CDIN1: variants seen among roughly 807,000 people sequenced by gnomAD.
CDIN1 encodes CDAN1 interacting nuclease 1.
CDIN1 carries 33 observed loss-of-function variants against 45.3 expected under a neutral mutation model. The observed-to-expected ratio is 0.73, with a 90% CI of 0.55 to 0.97. The LOEUF is 0.97. Among genes scored for constraint, CDIN1 ranks in the 50% least tolerant of loss-of-function variants. CDIN1 has a pLI of 0.00. For missense variants in CDIN1, 303 were observed against 339.4 expected (o/e 0.89, Z 0.84); for synonymous variants, 118 against 124.4 (o/e 0.95, Z 0.34).
intron 1 of CDIN1, among the ~76,000 whole-genome samples, chr15:36,600,546 C>G (rs764657867): frequency 2.4e-4 from 37 of 152,342 alleles, no homozygotes; most frequent in Admixed American, 2.6e-4. Flanking sequence ...TAGTGCTTCT[C>G]TCTTGTGGCA....
intron 10 of CDIN1, among the ~76,000 whole-genome samples, chr15:36,781,900 T>C (rs894618747): frequency 6.6e-6 from 1 of 152,184 alleles, no homozygotes; most frequent in African/African-American, 2.4e-5. Context: ...CCAGCCCCTG[T>C]CCTCACCAAT....
chr15:36,603,320 A>C (rs1486162164), intron 1 of CDIN1, among the ~76,000 whole-genome samples: 1 of 152,196 alleles, frequency 6.6e-6, no homozygotes, highest in Non-Finnish European at 1.5e-5. Context: ...CAGGCTTCTT[A>C]GAGGAAGAAG....
At chr15:36,591,543 C>G (rs1297094280) in intron 1 of CDIN1, among the ~76,000 whole-genome samples, 1 of 152,120 alleles carries the variant, frequency 6.6e-6, no homozygotes, top group Non-Finnish European at 1.5e-5. Flanking sequence ...TTTCTGAGGA[C>G]AACTAAAATA....
At chr15:36,644,194 G>C (rs981933906) in intron 1 of CDIN1, 84 bp from the exon 2 acceptor site, 2 of 1,311,744 alleles carry the variant, frequency 1.5e-6, no homozygotes, top group Non-Finnish European at 2.2e-6. Context: ...CAGGGCAGCA[G>C]GCCTACCTTT....
rs1164122251 is a variant in CDIN1 at position 36,697,478 on chromosome 15, T to G, written c.544+88T>G. On this transcript the variant is annotated intron_variant, in intron 8 of 10. Coordinates refer to ENST00000566621, the MANE Select transcript of CDIN1 (RefSeq NM_001321759.2). The stretch of plus-strand genomic sequence containing the variant: ...TAAAAATCTTCCACTAAAGGAAGAG[T>G]GAATGATGATTGATGCTGTGCATAT... 2.8e-6 allele frequency: 3 copies of G among 1,055,428 alleles called. No individual in the cohort carries two copies. In the African/African-American group the frequency reaches 4.9e-5, roughly 17 times the overall value. The allele number at this position is 1,055,428 out of a possible 1,614,324, so 65.4% of individuals were successfully genotyped here.
chr15:36,711,311 T>C (rs770787284), intron 10 of CDIN1, among the ~76,000 whole-genome samples: 3 of 152,162 alleles, frequency 2.0e-5, no homozygotes, highest in Non-Finnish European at 4.4e-5. Flanking sequence ...TTCCCCAGCT[T>C]TGGTACCAGT....
intron 5 of CDIN1, among the ~76,000 whole-genome samples, chr15:36,686,562 TAA>T (rs1259228473): frequency 3.2e-5 from 3 of 94,572 alleles, no homozygotes. Context: ...AGTATAATAA[TAA>T]AAAAAAAAAA....
intron 1 of CDIN1, among the ~76,000 whole-genome samples, chr15:36,637,152 C>T (rs978626519): frequency 1.8e-5 from 2 of 110,046 alleles, no homozygotes; most frequent in African/African-American, 3.5e-5. Flanking sequence ...GATATTTAAC[C>T]TCCCAGAGGC....
chr15:36,617,649 G>A, intron 1 of CDIN1: 1 of 767,162 alleles, frequency 1.3e-6, no homozygotes, highest in Non-Finnish European at 2.4e-6. Context: ...AAATTGATGA[G>A]AAGGGTAAAA....
chr15:36,625,143 T>C (rs774808494), intron 1 of CDIN1, among the ~76,000 whole-genome samples: 12 of 151,894 alleles, frequency 7.9e-5, no homozygotes, highest in Non-Finnish European at 1.3e-4. Flanking sequence ...TAGCCGGGTG[T>C]GGTGGCGGGC....
chr15:36,624,120 G>A (rs1261845018), intron 1 of CDIN1, among the ~76,000 whole-genome samples: 1 of 152,166 alleles, frequency 6.6e-6, no homozygotes, highest in African/African-American at 2.4e-5. Context: ...ATGGGGAAAA[G>A]TTACAAATAG....
intron 8 of CDIN1, among the ~76,000 whole-genome samples, chr15:36,701,167 TAG>T (rs1566912748): frequency 6.7e-6 from 1 of 149,838 alleles, no homozygotes; most frequent in East Asian, 2.0e-4. Flanking sequence ...GATAGATAGA[TAG>T]ATAGATATGA....
intron 1 of CDIN1, among the ~76,000 whole-genome samples, chr15:36,629,503 C>T (rs986825674): frequency 6.6e-6 from 1 of 152,142 alleles, no homozygotes; most frequent in African/African-American, 2.4e-5. Context: ...ACAATTATCT[C>T]GCTCATGGTA....
chr15:36,789,842 G>C (rs868849567), intron 10 of CDIN1, among the ~76,000 whole-genome samples: 1 of 152,116 alleles, frequency 6.6e-6, no homozygotes, highest in East Asian at 1.9e-4. Context: ...ATTGACATGG[G>C]GCTAGTGAGG....
At chr15:36,654,193 G>T (rs147095298) in intron 4 of CDIN1, 35 bp downstream of exon 4, 2 of 1,518,804 alleles carry the variant, frequency 1.3e-6, no homozygotes. Context: ...TTAAACCTGC[G>T]TGTAACCTAA....
chr15:36,809,062 G>A lies in CDIN1; in HGVS notation c.*609G>A, dbSNP rs781351908. The A allele has an allele frequency of 6.6e-4, 257 of 391,980 alleles. No homozygotes were observed. Among genetic ancestry groups the A allele is most frequent in the Non-Finnish European group, 9.8e-4 (189 of 193,492 alleles). The allele number at this position is 391,980 out of a possible 1,614,324, so 24.3% of individuals were successfully genotyped here. A position where few individuals can be genotyped will look rare whatever the true frequency, so the allele number is the denominator to read the frequency against. ...TGTGTTTGCTATATTCAATCTTTAC[G>A]GCTTCCTGACTTCTGTGACAGTAAG... On this transcript the variant is annotated 3_prime_UTR_variant, in exon 11 of 11. Transcript: ENST00000566621.
chr15:36,774,211 T>C (rs1239499994), intron 10 of CDIN1, among the ~76,000 whole-genome samples: 1 of 150,564 alleles, frequency 6.6e-6, no homozygotes, highest in East Asian at 2.0e-4. Context: ...GCCCCTTAGG[T>C]TACTAGAGAC....
chr15:36,705,458 C>T (rs2042827484), intron 8 of CDIN1: 2 of 152,032 alleles, frequency 1.3e-5, no homozygotes, highest in Non-Finnish European at 2.9e-5. Flanking sequence ...CTGCTGGGAC[C>T]AACTGCAACT....
intron 5 of CDIN1, among the ~76,000 whole-genome samples, chr15:36,669,725 A>G (rs889670433): frequency 2.6e-5 from 4 of 152,184 alleles, no homozygotes; most frequent in East Asian, 1.9e-4. Flanking sequence ...TTTGATGGTC[A>G]TGATGTTTTT....
Sources: allele counts gnomAD v4.1 joint callset (sites outside exome capture counted in the v4.1 genomes callset), GRCh38; gene constraint gnomAD v4.1.1; transcripts MANE v1.5; gene names NCBI Gene and HGNC (gene_info 2026-07-23, HGNC 2026-07-21).